SYNPR: variants seen among roughly 807,000 people sequenced by gnomAD.
The protein encoded by SYNPR is synaptoporin.
Under a neutral mutation model 32.9 loss-of-function variants are expected in SYNPR, and 23 were observed. That is an observed-to-expected ratio of 0.70 (90% CI 0.50 to 0.99). The LOEUF is 0.99. Among genes scored for constraint, SYNPR ranks in the 50% least tolerant of loss-of-function variants. The probability of loss-of-function intolerance (pLI) is 0.00; values close to 1 mark genes in which losing one functional copy is unlikely to be tolerated. For missense variants in SYNPR, 318 were observed against 349.3 expected (o/e 0.91, Z 0.71); for synonymous variants, 146 against 135.9 (o/e 1.07, Z -0.52).
chr3:63,574,493 G>C (rs971865425), intron 4 of SYNPR, among the ~76,000 whole-genome samples: 2 of 152,140 alleles, frequency 1.3e-5, no homozygotes, highest in Non-Finnish European at 2.9e-5. Context: ...GGGGCAAAGT[G>C]AGGAGAAGTG....
At chr3:63,535,025 A>T (rs1183995408) in intron 3 of SYNPR, among the ~76,000 whole-genome samples, 2 of 152,172 alleles carry the variant, frequency 1.3e-5, no homozygotes, top group East Asian at 3.9e-4. Flanking sequence ...GAACCCAATG[A>T]GAGTAGTTAC....
chr3:63,438,072 C>T (rs1443665747), intron 2 of SYNPR, among the ~76,000 whole-genome samples: 2 of 152,192 alleles, frequency 1.3e-5, no homozygotes, highest in African/African-American at 2.4e-5. Flanking sequence ...ATAGTCATTG[C>T]TTGGCCGCTC....
intron 2 of SYNPR, among the ~76,000 whole-genome samples, chr3:63,321,329 G>T (rs908443873): frequency 1.3e-5 from 2 of 151,990 alleles, no homozygotes; most frequent in African/African-American, 4.8e-5. Context: ...TGTGGATACT[G>T]GAGAAAAGTC....
chr3:63,581,249 G>T (rs1183203604), intron 4 of SYNPR, among the ~76,000 whole-genome samples: 1 of 152,136 alleles, frequency 6.6e-6, no homozygotes, highest in African/African-American at 2.4e-5. Flanking sequence ...ACTGCATCAA[G>T]GGAGCACTGC....
At chr3:63,427,516 A>G (rs1362193018) in intron 2 of SYNPR, 1 of 152,276 alleles carries the variant, frequency 6.6e-6, no homozygotes, top group Non-Finnish European at 1.5e-5. Flanking sequence ...CAGGTAAGCC[A>G]CATGGAACCA....
At chr3:63,260,644 T>C (rs1425332114) in intron 2 of SYNPR, among the ~76,000 whole-genome samples, 3 of 152,038 alleles carry the variant, frequency 2.0e-5, no homozygotes, top group Non-Finnish European at 4.4e-5. Context: ...GCAATACCAT[T>C]CAGGACATAG....
chr3:63,450,442 C>G (rs1700358020), intron 2 of SYNPR, among the ~76,000 whole-genome samples: 1 of 152,128 alleles, frequency 6.6e-6, no homozygotes. Context: ...GAATTTGGTA[C>G]AAAAGGAAGA....
chr3:63,285,952 G>A (rs989884061), intron 2 of SYNPR, among the ~76,000 whole-genome samples: 5 of 152,160 alleles, frequency 3.3e-5, no homozygotes, highest in African/African-American at 7.2e-5. Flanking sequence ...CGATGCCAGC[G>A]GTTATGACGG....
intron 4 of SYNPR, among the ~76,000 whole-genome samples, chr3:63,563,226 A>G (rs1277644832): frequency 6.6e-6 from 1 of 152,160 alleles, no homozygotes; most frequent in Non-Finnish European, 1.5e-5. Context: ...GTAAGATCAC[A>G]ATTGCTAGGT....
intron 2 of SYNPR, among the ~76,000 whole-genome samples, chr3:63,460,494 C>T (rs575481267): frequency 7.2e-6 from 1 of 138,314 alleles, no homozygotes; most frequent in East Asian, 2.2e-4. Context: ...GTTTTTAGCA[C>T]TTGAACTGAG....
chr3:63,593,950 T>TG (rs1372503802), intron 4 of SYNPR, among the ~76,000 whole-genome samples: 5 of 152,060 alleles, frequency 3.3e-5, no homozygotes, highest in Non-Finnish European at 7.4e-5. Context: ...GATAATAAAG[T>TG]GTAAACAGAC....
At chr3:63,494,201 A>C (rs1241765396) in intron 3 of SYNPR, among the ~76,000 whole-genome samples, 1 of 151,468 alleles carries the variant, frequency 6.6e-6, no homozygotes, top group African/African-American at 2.4e-5. Context: ...GAAAAACAAA[A>C]AACTTGAAAA....
At chr3:63,207,073 G>A in the SYNPR span, among the ~76,000 whole-genome samples, 1 of 152,132 alleles carries the variant, frequency 6.6e-6, no homozygotes, top group Non-Finnish European at 1.5e-5. Context: ...AGGTCCTATT[G>A]GCAATGTGCA....
At chr3:63,504,008 G>A (rs1701537704) in intron 3 of SYNPR, among the ~76,000 whole-genome samples, 1 of 151,904 alleles carries the variant, frequency 6.6e-6, no homozygotes, top group Non-Finnish European at 1.5e-5. Flanking sequence ...TGAATCTAGT[G>A]GATTTTTATT....
At chr3:63,525,366 C>T (rs746931535) in intron 3 of SYNPR, among the ~76,000 whole-genome samples, 6 of 152,158 alleles carry the variant, frequency 3.9e-5, no homozygotes, top group Non-Finnish European at 7.3e-5. Context: ...GTGAATTAAG[C>T]CCCAAATCTC....
chr3:63,284,962 A>C (rs1440849401), intron 2 of SYNPR, among the ~76,000 whole-genome samples: 2 of 152,160 alleles, frequency 1.3e-5, no homozygotes, highest in Non-Finnish European at 2.9e-5. Flanking sequence ...TCAGGGACAA[A>C]ATTGAGGGAA....
At chr3:63,455,599 C>T (rs528833308) in intron 2 of SYNPR, among the ~76,000 whole-genome samples, 49 of 152,192 alleles carry the variant, frequency 3.2e-4, no homozygotes, top group African/African-American at 1.2e-3. Flanking sequence ...AAATCATTTC[C>T]TAACGTATGT....
At chr3:63,408,142 A>T (rs970229167) in intron 2 of SYNPR, among the ~76,000 whole-genome samples, 5 of 28,486 alleles carry the variant, frequency 1.8e-4, no homozygotes, top group Non-Finnish European at 2.3e-4. Flanking sequence ...TAGAAGAAAG[A>T]AAAGAAAGAA....
chr3:63,433,297 G>A (rs779714798), intron 2 of SYNPR, among the ~76,000 whole-genome samples: 7 of 152,192 alleles, frequency 4.6e-5, no homozygotes, highest in African/African-American at 9.7e-5. Flanking sequence ...AGAATGTCCT[G>A]TTCTTCAGAC....
Sources: allele counts gnomAD v4.1 joint callset (sites outside exome capture counted in the v4.1 genomes callset), GRCh38; gene constraint gnomAD v4.1.1; transcripts MANE v1.5; gene names NCBI Gene and HGNC (gene_info 2026-07-23, HGNC 2026-07-21).